PDZD2: variants seen among roughly 807,000 people sequenced by gnomAD.
PDZD2 encodes PDZ domain-containing protein 2.
Under a neutral mutation model 220.7 loss-of-function variants are expected in PDZD2, and 90 were observed. The ratio of observed to expected loss-of-function variants is 0.41; its 90% CI spans 0.34 to 0.49. PDZD2 has a LOEUF of 0.49. Ranked by LOEUF, PDZD2 falls within the 20% of genes least tolerant of loss-of-function variation. The probability of loss-of-function intolerance (pLI) is 0.28; values close to 1 mark genes in which losing one functional copy is unlikely to be tolerated. For synonymous variants in PDZD2, 1,375 were observed against 1,450.5 expected (o/e 0.95, Z 1.18); for missense variants, 3,174 against 3,608.5 (o/e 0.88, Z 3.08).
intron 6 of PDZD2, among the ~76,000 whole-genome samples, chr5:32,010,939 G>A (rs1753255098): frequency 6.8e-6 from 1 of 147,712 alleles, no homozygotes; most frequent in African/African-American, 2.5e-5. Flanking sequence ...AGAGGTTGCA[G>A]TGAGCTGAGA....
intron 2 of PDZD2, among the ~76,000 whole-genome samples, chr5:31,951,287 C>CA (rs546833651): frequency 6.6e-6 from 1 of 152,094 alleles, no homozygotes. Flanking sequence ...AGAATGAACT[C>CA]AAACTCCTGG....
chr5:32,088,362 G>A lies in PDZD2; in HGVS notation c.4914G>A (p.Pro1638=), dbSNP rs1190355952. 11 of 1,614,022 alleles carry A rather than the reference G, an allele frequency of 6.8e-6. No individual in the cohort carries two copies. The highest frequency in any genetic ancestry group is 4.0e-5 in the African/African-American group (3 of 74,992). Residue 1638 remains proline (P), a synonymous_variant, in exon 20 of 25, where the codon CCG becomes CCA. Coordinates refer to ENST00000438447, the MANE Select transcript of PDZD2 (RefSeq NM_178140.4). The surrounding 1 kb of genome is among the most constrained non-coding windows in gnomAD (Gnocchi z 4.6). ...TTCTGTCATTAAAATACAGCACTCC[G>A]AGAGAGTCGGTGGCCAGTCCCCGTG... is the stretch of plus-strand genomic sequence containing the variant. The part of the protein sequence containing the change: ...AKVLSLKYST[P]RESVASPREK...
intron 2 of PDZD2, among the ~76,000 whole-genome samples, chr5:31,963,368 G>A (rs1269304632): frequency 1.3e-5 from 2 of 152,222 alleles, no homozygotes; most frequent in Non-Finnish European, 2.9e-5. Flanking sequence ...AAGGGCTTTT[G>A]CCCAAATATT....
At chr5:31,843,142 A>T (rs1757410872) in intron 2 of PDZD2, 1 of 152,238 alleles carries the variant, frequency 6.6e-6, no homozygotes, top group Admixed American at 6.5e-5. Context: ...TGGCCTCCCA[A>T]AATGCTGGGA....
intron 2 of PDZD2, among the ~76,000 whole-genome samples, chr5:31,856,077 A>G (rs906271483): frequency 3.9e-5 from 6 of 152,238 alleles, no homozygotes; most frequent in Non-Finnish European, 8.8e-5. Context: ...TAATATAGAC[A>G]TATCTTTAAA....
At chr5:31,810,419 C>G (rs564573729) in intron 2 of PDZD2, among the ~76,000 whole-genome samples, 6 of 151,954 alleles carry the variant, frequency 3.9e-5, no homozygotes, top group African/African-American at 1.2e-4. Flanking sequence ...CCCACCACCA[C>G]GCCTCACTAA....
chr5:31,991,334 G>A (rs751599061), intron 3 of PDZD2, among the ~76,000 whole-genome samples: 1 of 152,176 alleles, frequency 6.6e-6, no homozygotes, highest in Non-Finnish European at 1.5e-5. Flanking sequence ...GGGAGGTTAG[G>A]GAGAGGAGAA....
Position 31,755,877 on chromosome 5 carries a change from A to G in PDZD2, c.-360-43012A>G, listed in dbSNP as rs1021834571. Reference sequence around the variant, plus strand: ...GGGCCAAGCAGCGGAGTAAAAGGCTATGTATTTACTGCTCTTAAGAGTTAG... The same window carrying G: ...GGGCCAAGCAGCGGAGTAAAAGGCTGTGTATTTACTGCTCTTAAGAGTTAG... On this transcript the variant is annotated intron_variant, in intron 1 of 24. Transcript: ENST00000438447. Among the ~76,000 whole-genome samples the G allele has an allele frequency of 2.6e-5, 4 of 152,090 alleles. No homozygotes were observed. The South Asian group carries it at 6.2e-4, about 24-fold the overall frequency.
chr5:31,877,814 C>T (rs140511294), intron 2 of PDZD2, among the ~76,000 whole-genome samples: 3,988 of 152,208 alleles, frequency 0.026, 75 homozygotes, highest in Middle Eastern at 0.055. Context: ...CTCACCCTCC[C>T]GAGCAGCTGG....
intron 1 of PDZD2, among the ~76,000 whole-genome samples, chr5:31,743,016 A>G (rs1212214219): frequency 6.6e-6 from 1 of 152,206 alleles, no homozygotes; most frequent in Non-Finnish European, 1.5e-5. Flanking sequence ...ATTCTTTCTG[A>G]TTAGCCAGTC....
At chr5:31,868,192 T>C (rs748196804) in intron 2 of PDZD2, among the ~76,000 whole-genome samples, 62 of 152,168 alleles carry the variant, frequency 4.1e-4, no homozygotes, top group Admixed American at 3.3e-3. Context: ...ATGCCTGTAA[T>C]CCCAGCACTT....
intron 2 of PDZD2, among the ~76,000 whole-genome samples, chr5:31,890,010 G>T (rs1028851974): frequency 6.6e-6 from 1 of 151,764 alleles, no homozygotes. Context: ...GCGACAGAGT[G>T]AGACACTGTC....
At chr5:31,676,242 A>T (rs781352953) in intron 1 of PDZD2, among the ~76,000 whole-genome samples, 3 of 152,220 alleles carry the variant, frequency 2.0e-5, no homozygotes, top group South Asian at 2.1e-4. Flanking sequence ...CACAGCGCAG[A>T]GGGTGAAATA....
At chr5:32,036,858 T>C (rs1189389136) in intron 6 of PDZD2, among the ~76,000 whole-genome samples, 1 of 152,172 alleles carries the variant, frequency 6.6e-6, no homozygotes, top group Non-Finnish European at 1.5e-5. Context: ...TGGGCTTGCG[T>C]TGTAGCTTTG....
intron 2 of PDZD2, among the ~76,000 whole-genome samples, chr5:31,810,966 T>C (rs1755075732): frequency 6.6e-6 from 1 of 152,232 alleles, no homozygotes; most frequent in Non-Finnish European, 1.5e-5. Flanking sequence ...TCTGAAGCTC[T>C]GATACTAGTG....
intron 2 of PDZD2, among the ~76,000 whole-genome samples, chr5:31,891,058 A>T (rs12514714): frequency 0.55 from 83,836 of 151,226 alleles, 24,316 homozygotes; most frequent in African/African-American, 0.73. Context: ...TCCAGCTCCA[A>T]CCTCACCTTC....
At chr5:32,068,924 A>G (rs927828439) in intron 14 of PDZD2, among the ~76,000 whole-genome samples, 1 of 152,132 alleles carries the variant, frequency 6.6e-6, no homozygotes, top group African/African-American at 2.4e-5. Context: ...GGTGAAAAGT[A>G]TACTACTCTT....
Position 31,646,436 on chromosome 5 carries a change from A to G in PDZD2, c.-361+6999A>G, listed in dbSNP as rs1451863815. On this transcript the variant is annotated intron_variant, in intron 1 of 24. Coordinates refer to ENST00000438447, the MANE Select transcript of PDZD2 (RefSeq NM_178140.4). This position sits in a 1 kb window ranked among gnomAD's most constrained non-coding sequence, Gnocchi z 4.7. ...CCTGACACTGCTTATGTTTGCTTGC[A>G]GGTGATCAAATGGAATCATACACTC... 1.3e-5 allele frequency among the ~76,000 whole-genome samples: 2 copies of G among 152,180 alleles called. No individual in the cohort carries two copies. The highest frequency in any genetic ancestry group is 2.9e-5 in the Non-Finnish European group (2 of 68,028).
At chr5:31,770,799 T>C (rs1580722105) in intron 1 of PDZD2, among the ~76,000 whole-genome samples, 1 of 144,490 alleles carries the variant, frequency 6.9e-6, no homozygotes, top group Non-Finnish European at 1.5e-5. Context: ...TGGCTCCAGC[T>C]CTCTTAGAGC....
Sources: gnomAD v4.1 joint callset for allele counts (sites outside exome capture counted in the v4.1 genomes callset) on GRCh38, gnomAD v4.1.1 for gene constraint, Gnocchi (gnomAD v3.1) non-coding constraint, MANE v1.5 for transcripts, NCBI Gene and HGNC (gene_info 2026-07-23, HGNC 2026-07-21) for gene names.